Variants in CTIF observed in about 807,000 individuals in gnomAD.
CTIF encodes cap binding complex dependent translation initiation factor, also known as CBP80/20-dependent translation initiation factor.
CTIF carries 21 observed loss-of-function variants against 66.0 expected under a neutral mutation model. That is an observed-to-expected ratio of 0.32 (90% confidence interval 0.23 to 0.46). The LOEUF (loss-of-function observed/expected upper bound fraction) is 0.46. CTIF is among the 20% of genes least tolerant of loss of function. CTIF has a pLI of 1.00. For synonymous variants in CTIF, 345 were observed against 326.4 expected (o/e 1.06, Z -0.62); for missense variants, 739 against 812.7 (o/e 0.91, Z 1.10).
chr18:48,860,576 G>T lies in CTIF; in HGVS notation c.*1017G>T, dbSNP rs909292851. ...ACCTGGTCCTGGCCCCAGGGGCCTTGTGGCAAACAGGGCACAGAACGAGAC... is the reference window on the plus strand; with the variant it reads ...ACCTGGTCCTGGCCCCAGGGGCCTTTTGGCAAACAGGGCACAGAACGAGAC... On this transcript the variant is annotated 3_prime_UTR_variant, in exon 12 of 12. Coordinates refer to ENST00000256413, the MANE Select transcript of CTIF (RefSeq NM_014772.3). 1 of 153,000 alleles carries T rather than the reference G, an allele frequency of 6.5e-6. No homozygotes were observed. Among genetic ancestry groups the T allele is most frequent in the African/African-American group, 2.4e-5 (1 of 41,472 alleles). The allele number at this position is 153,000 out of a possible 1,614,324, so 9.5% of individuals were successfully genotyped here. A position where few individuals can be genotyped will look rare whatever the true frequency, so the allele number is the denominator to read the frequency against.
chr18:48,540,329 G>C (rs1408272150), intron 1 of CTIF: 1 of 143,290 alleles, frequency 7.0e-6, no homozygotes, highest in Non-Finnish European at 1.5e-5. Flanking sequence ...TCATCAGGAC[G>C]ACGAGCAGGT....
intron 10 of CTIF, among the ~76,000 whole-genome samples, chr18:48,832,137 G>A (rs1317102565): frequency 2.6e-5 from 4 of 151,482 alleles, no homozygotes; most frequent in African/African-American, 9.7e-5. Context: ...TGCCTGGCTG[G>A]AGAGCTCCCT....
At chr18:48,667,430 G>A (rs1238325561) in intron 5 of CTIF, among the ~76,000 whole-genome samples, 1 of 152,206 alleles carries the variant, frequency 6.6e-6, no homozygotes, top group Non-Finnish European at 1.5e-5. Context: ...AGTCTCTCCT[G>A]TGTGCCCCGG....
chr18:48,583,311 G>T (rs16949555), intron 1 of CTIF, among the ~76,000 whole-genome samples: 13,664 of 152,262 alleles, frequency 0.09, 703 homozygotes, highest in South Asian at 0.13. Context: ...TTCACAGTTC[G>T]TGAAATTAGA....
intron 3 of CTIF, among the ~76,000 whole-genome samples, chr18:48,642,913 G>T (rs1456024092): frequency 6.6e-6 from 1 of 152,150 alleles, no homozygotes; most frequent in Non-Finnish European, 1.5e-5. Flanking sequence ...TACAACACTT[G>T]TCACTTCCGC....
At chr18:48,637,478 C>T (rs887939980) in intron 3 of CTIF, among the ~76,000 whole-genome samples, 5 of 152,208 alleles carry the variant, frequency 3.3e-5, no homozygotes, top group South Asian at 2.1e-4. Flanking sequence ...GTCTGGAAAG[C>T]GGAGGGAGCC....
At chr18:48,614,832 A>G (rs1018510786) in intron 1 of CTIF, among the ~76,000 whole-genome samples, 1 of 152,108 alleles carries the variant, frequency 6.6e-6, no homozygotes, top group Non-Finnish European at 1.5e-5. Flanking sequence ...TTAAGATTAT[A>G]AGGTTTTGAT....
chr18:48,702,135 G>T (rs2092092622), intron 6 of CTIF, among the ~76,000 whole-genome samples: 1 of 152,226 alleles, frequency 6.6e-6, no homozygotes, highest in Non-Finnish European at 1.5e-5. Flanking sequence ...GCGACAGCTA[G>T]GATCCGGGTC....
At position 48,597,101 on chromosome 18, in the gene CTIF, G is replaced by T. The variant is rs1266434757; in HGVS notation, c.-28-22437G>T. Among the ~76,000 whole-genome samples, 7 of 152,348 alleles carry T rather than the reference G, an allele frequency of 4.6e-5. No homozygotes were observed. The South Asian group carries it at 6.2e-4, about 14-fold the overall frequency. On this transcript the variant is annotated intron_variant, in intron 1 of 11. Coordinates refer to ENST00000256413, the MANE Select transcript of CTIF (RefSeq NM_014772.3). ...GCAAATGTTGGAGGATAAAGTTCTA[G>T]TGCAACATAGGATAGAACAGTGAAC...
intron 1 of CTIF, among the ~76,000 whole-genome samples, chr18:48,543,343 A>G (rs1373339530): frequency 6.6e-6 from 1 of 152,092 alleles, no homozygotes; most frequent in East Asian, 1.9e-4. Context: ...ACACAGCCCC[A>G]TTTGATGTCC....
At chr18:48,770,251 G>A (rs1379698255) in intron 9 of CTIF, among the ~76,000 whole-genome samples, 2 of 152,202 alleles carry the variant, frequency 1.3e-5, no homozygotes, top group Non-Finnish European at 2.9e-5. Context: ...ACTGCCCCAG[G>A]CCCCCAGGGA....
At chr18:48,857,760 A>T (rs113734827) in intron 11 of CTIF, 119 bp downstream of exon 11, 210 of 897,890 alleles carry the variant, frequency 2.3e-4, no homozygotes, top group African/African-American at 1.3e-3. Context: ...AGGTAGGTGG[A>T]TGGCTTCAGG....
At chr18:48,790,762 G>T (rs1010257007) in intron 9 of CTIF, among the ~76,000 whole-genome samples, 14 of 152,192 alleles carry the variant, frequency 9.2e-5, no homozygotes, top group African/African-American at 3.4e-4. Context: ...ACCCCGCCCG[G>T]CTGGAGCCAC....
intron 3 of CTIF, among the ~76,000 whole-genome samples, chr18:48,658,796 T>G (rs917170644): frequency 7.9e-5 from 12 of 152,176 alleles, no homozygotes; most frequent in Non-Finnish European, 1.5e-4. Context: ...CTGTAAGCAT[T>G]TGTCTGGCTC....
chr18:48,840,677 A>G (rs1470168886), intron 10 of CTIF, among the ~76,000 whole-genome samples: 1 of 152,038 alleles, frequency 6.6e-6, no homozygotes, highest in Non-Finnish European at 1.5e-5. Context: ...GCACAATGCT[A>G]ATTATGCCCT....
intron 1 of CTIF, among the ~76,000 whole-genome samples, chr18:48,580,965 G>T (rs188941063): frequency 1.3e-5 from 2 of 152,208 alleles, no homozygotes; most frequent in African/African-American, 2.4e-5. Flanking sequence ...CACTGCTTTC[G>T]CATGTATTGC....
intron 9 of CTIF, among the ~76,000 whole-genome samples, chr18:48,784,030 A>G (rs1911488609): frequency 6.6e-6 from 1 of 152,182 alleles, no homozygotes; most frequent in African/African-American, 2.4e-5. Context: ...AGATTCATTC[A>G]TTTATCAGCT....
chr18:48,803,570 G>T (rs1405628694), intron 9 of CTIF, among the ~76,000 whole-genome samples: 3 of 152,200 alleles, frequency 2.0e-5, no homozygotes, highest in Admixed American at 6.5e-5. Context: ...TGTGATTGCA[G>T]GGGGCAGCTG....
intron 6 of CTIF, among the ~76,000 whole-genome samples, chr18:48,711,176 C>A (rs1248681421): frequency 6.6e-6 from 1 of 152,106 alleles, no homozygotes; most frequent in Non-Finnish European, 1.5e-5. Flanking sequence ...CTCTAGCAGC[C>A]CAGAGAAGAA....
Sources: gnomAD v4.1 joint callset for allele counts (sites outside exome capture counted in the v4.1 genomes callset) on GRCh38, gnomAD v4.1.1 for gene constraint, MANE v1.5 for transcripts, NCBI Gene and HGNC (gene_info 2026-07-23, HGNC 2026-07-21) for gene names.